The following COMMD10 variants were observed in gnomAD, a reference collection of about 807,000 sequenced individuals.
COMMD10 encodes COMM domain-containing protein 10.
In COMMD10, 33 loss-of-function variants were observed where a neutral mutation model predicts 28.9. The ratio of observed to expected loss-of-function variants is 1.14; its 90% CI spans 0.87 to 1.53. The LOEUF (loss-of-function observed/expected upper bound fraction) is 1.53, where lower values mean the gene tolerates loss of function less well. COMMD10 is among the 40% of genes most tolerant of loss of function. COMMD10 has a pLI of 0.00. For synonymous variants in COMMD10, 110 were observed against 81.7 expected, an observed-to-expected ratio of 1.35 and a Z score of -1.87; for missense variants, 310 against 233.4, an observed-to-expected ratio of 1.33 and a Z score of -2.14.
chr5:116,241,795 T>G (rs1749821721), intron 5 of COMMD10, among the ~76,000 whole-genome samples: 1 of 151,324 alleles, frequency 6.6e-6, no homozygotes, highest in Admixed American at 6.6e-5. Context: ...TGTATTTTCT[T>G]TTTAGTAGAG....
intron 5 of COMMD10, among the ~76,000 whole-genome samples, chr5:116,180,293 T>C (rs1580525880): frequency 6.6e-6 from 1 of 152,254 alleles, no homozygotes; most frequent in East Asian, 1.9e-4. Context: ...AAATTAGCAA[T>C]AGTATATCTA....
intron 5 of COMMD10, among the ~76,000 whole-genome samples, chr5:116,175,597 A>G (rs1017951813): frequency 9.3e-5 from 13 of 140,156 alleles, no homozygotes; most frequent in African/African-American, 3.0e-4. Context: ...AGAATTCACA[A>G]TAGCCAAAAG....
At chr5:116,233,570 G>A (rs766808252) in intron 5 of COMMD10, among the ~76,000 whole-genome samples, 2 of 152,044 alleles carry the variant, frequency 1.3e-5, no homozygotes, top group Non-Finnish European at 2.9e-5. Context: ...GCTATGAAGG[G>A]GACTGTAATT....
intron 4 of COMMD10, among the ~76,000 whole-genome samples, chr5:116,122,342 T>A (rs1188396728): frequency 6.6e-6 from 1 of 152,178 alleles, no homozygotes; most frequent in East Asian, 1.9e-4. Flanking sequence ...TTGGTCTGTA[T>A]CTCTGTTTTG....
rs1164728936 is a variant in COMMD10, at chr5:116,211,231, A to G, written c.510+77053A>G. Among the ~76,000 whole-genome samples the G allele has an allele frequency of 2.0e-5, 3 of 152,150 alleles. No individual in the cohort carries two copies. The East Asian group carries it at 5.8e-4, about 29-fold the overall frequency. On this transcript the variant is annotated intron_variant, in intron 5 of 6. Transcript: ENST00000274458. ...CACTTAATGACAGGGATACATTCTA[A>G]GAAATGTGTTGTTAGGCAATCTGAT...
At chr5:116,104,844 C>A (rs921501934) in intron 4 of COMMD10, among the ~76,000 whole-genome samples, 1 of 152,184 alleles carries the variant, frequency 6.6e-6, no homozygotes, top group Non-Finnish European at 1.5e-5. Context: ...TGGTCTAGAT[C>A]CCCTGACCTC....
At chr5:116,222,101 G>A (rs1029230871) in intron 5 of COMMD10, among the ~76,000 whole-genome samples, 4 of 152,138 alleles carry the variant, frequency 2.6e-5, no homozygotes, top group African/African-American at 4.8e-5. Context: ...GAATGTTAAT[G>A]CCATCTGGGA....
At chr5:116,221,423 T>TA (rs1471291474) in intron 5 of COMMD10, among the ~76,000 whole-genome samples, 1 of 152,192 alleles carries the variant, frequency 6.6e-6, no homozygotes, top group East Asian at 1.9e-4. Context: ...ATTGGTCCGT[T>TA]ACTGTAGATC....
intron 5 of COMMD10, among the ~76,000 whole-genome samples, chr5:116,165,422 G>C (rs983101407): frequency 1.3e-5 from 2 of 152,134 alleles, no homozygotes; most frequent in Admixed American, 1.3e-4. Context: ...TGCTAGGGCT[G>C]CCAAAACAAA....
intron 5 of COMMD10, among the ~76,000 whole-genome samples, chr5:116,185,579 C>T (rs958911148): frequency 6.6e-6 from 1 of 151,950 alleles, no homozygotes; most frequent in Non-Finnish European, 1.5e-5. Flanking sequence ...GGGAGGAATT[C>T]CATTCTGTCT....
intron 5 of COMMD10, among the ~76,000 whole-genome samples, chr5:116,157,424 C>T (rs932653920): frequency 2.0e-5 from 3 of 152,186 alleles, no homozygotes; most frequent in African/African-American, 7.2e-5. Context: ...CAGCAGTTTG[C>T]CGGGTCTAGT....
At chr5:116,247,133 AAAC>A (rs772679854) in intron 5 of COMMD10, among the ~76,000 whole-genome samples, 1 of 152,034 alleles carries the variant, frequency 6.6e-6, no homozygotes, top group South Asian at 2.1e-4. Flanking sequence ...GAAAAAAACA[AAAC>A]AACCTCATTA....
At chr5:116,103,930 G>A (rs931272498) in intron 4 of COMMD10, among the ~76,000 whole-genome samples, 2 of 152,072 alleles carry the variant, frequency 1.3e-5, no homozygotes, top group African/African-American at 4.8e-5. Context: ...TCTTGTTTTT[G>A]TCAGGTTTGT....
chr5:116,181,837 T>C (rs2112597342), intron 5 of COMMD10, among the ~76,000 whole-genome samples: 1 of 152,244 alleles, frequency 6.6e-6, no homozygotes, highest in South Asian at 2.1e-4. Flanking sequence ...AGCATTTCTT[T>C]AAACTTGCTA....
At chr5:116,109,696 G>A (rs529376047) in intron 4 of COMMD10, among the ~76,000 whole-genome samples, 4 of 152,304 alleles carry the variant, frequency 2.6e-5, no homozygotes, top group South Asian at 2.1e-4. Flanking sequence ...TGTTACTGGT[G>A]TAAGAAATGC....
rs140069567 is a variant in COMMD10, at chr5:116,190,204, G to A, written c.510+56026G>A. Among the ~76,000 whole-genome samples, 443 of 152,194 alleles carry A rather than the reference G, an allele frequency of 2.9e-3. 3 individuals are homozygous for A. The highest frequency in any genetic ancestry group is 3.6e-3 in the Non-Finnish European group (243 of 68,002). On this transcript the variant is annotated intron_variant, in intron 5 of 6. Transcript: ENST00000274458. The stretch of plus-strand genomic sequence containing the variant: ...GAAAGTAGGACTGAGAGGATGGAGG[G>A]AAAGAAACTGAGTCCTGATGGTGTA...
chr5:116,263,106 G>A (rs1013355916), intron 5 of COMMD10, among the ~76,000 whole-genome samples: 3 of 151,814 alleles, frequency 2.0e-5, no homozygotes, highest in South Asian at 2.1e-4. Context: ...AGTTCTTCAC[G>A]AATATATAAG....
chr5:116,207,327 T>C (rs1365604905), intron 5 of COMMD10, among the ~76,000 whole-genome samples: 1 of 152,208 alleles, frequency 6.6e-6, no homozygotes, highest in Non-Finnish European at 1.5e-5. Flanking sequence ...TATATCCAAA[T>C]TGTGAACCAC....
intron 5 of COMMD10, among the ~76,000 whole-genome samples, chr5:116,278,183 T>C (rs887123612): frequency 6.6e-6 from 1 of 151,816 alleles, no homozygotes; most frequent in Non-Finnish European, 1.5e-5. Flanking sequence ...CCATTACCTA[T>C]AGTATTGAGT....
Sources: allele counts gnomAD v4.1 joint callset (sites outside exome capture counted in the v4.1 genomes callset), GRCh38; gene constraint gnomAD v4.1.1; transcripts MANE v1.5; gene names NCBI Gene and HGNC (gene_info 2026-07-23, HGNC 2026-07-21).